The following PIK3C2G variants were observed in gnomAD, a reference collection of about 807,000 sequenced individuals.
PIK3C2G encodes phosphatidylinositol-4-phosphate 3-kinase catalytic subunit type 2 gamma.
In PIK3C2G, 168 loss-of-function variants were observed where a neutral mutation model predicts 181.1. The observed-to-expected ratio is 0.93, with a 90% CI of 0.82 to 1.05. The LOEUF (loss-of-function observed/expected upper bound fraction) is 1.05. PIK3C2G is among the 50% of genes least tolerant of loss of function. The pLI is 0.00. For missense variants in PIK3C2G, 1,869 were observed against 1,732.8 expected (o/e 1.08, Z -1.40); for synonymous variants, 573 against 592.2 (o/e 0.97, Z 0.47).
intron 24 of PIK3C2G, among the ~76,000 whole-genome samples, chr12:18,514,462 C>T (rs192413150): frequency 2.0e-5 from 3 of 151,852 alleles, no homozygotes; most frequent in Non-Finnish European, 4.4e-5. Flanking sequence ...AGATCTTTTA[C>T]CTCCTTGGTT....
At chr12:18,246,576 C>T (rs1948042352), upstream of PIK3C2G, among the ~76,000 whole-genome samples, 3 of 152,018 alleles carry the variant, frequency 2.0e-5, no homozygotes, top group South Asian at 4.2e-4. Context: ...TCCATTTTCC[C>T]CTCTGACTCT....
chr12:18,427,783 A>G (rs1945919749), intron 18 of PIK3C2G, among the ~76,000 whole-genome samples: 2 of 150,050 alleles, frequency 1.3e-5, no homozygotes, highest in Non-Finnish European at 3.0e-5. Context: ...CATCCTTTCG[A>G]AAAAAAAAAT....
At chr12:18,674,473 A>G in the PIK3C2G span, among the ~76,000 whole-genome samples, 1 of 152,188 alleles carries the variant, frequency 6.6e-6, no homozygotes, top group Non-Finnish European at 1.5e-5. Context: ...TTCTCACTCT[A>G]TGAATTTTTT....
the PIK3C2G span, among the ~76,000 whole-genome samples, chr12:18,664,248 A>G: frequency 1.3e-5 from 2 of 152,236 alleles, no homozygotes; most frequent in African/African-American, 4.8e-5. Context: ...GATTTACCAC[A>G]TAATCCTACA....
chr12:18,676,663 T>G, the PIK3C2G span, among the ~76,000 whole-genome samples: 1 of 152,168 alleles, frequency 6.6e-6, no homozygotes, highest in South Asian at 2.1e-4. Flanking sequence ...AGCAGGACTA[T>G]AGTATAAGCA....
intron 24 of PIK3C2G, among the ~76,000 whole-genome samples, chr12:18,526,209 A>T (rs1943225290): frequency 6.6e-6 from 1 of 152,288 alleles, no homozygotes; most frequent in Admixed American, 6.5e-5. Context: ...CCTTCAGTAC[A>T]ATATTCACAG....
chr12:18,713,892 T>G, the PIK3C2G span: 1 of 152,240 alleles, frequency 6.6e-6, no homozygotes. Context: ...AAATCAGTTG[T>G]ACCCACTGTG....
chr12:18,317,014 T>C lies in PIK3C2G; in HGVS notation c.1137+2950T>C, dbSNP rs578037916. On this transcript the variant is annotated intron_variant, in intron 6 of 32. Transcript: ENST00000538779. The stretch of plus-strand genomic sequence containing the variant: ...CCCATCTCTCTAAGTCTTGATTCTT[T>C]TTTTTTTTTTTTTTTTTGAGACGGA... Among the ~76,000 whole-genome samples the C allele has an allele frequency of 2.6e-3, 379 of 145,812 alleles. 8 individuals carry two copies. The East Asian group carries it at 0.047, about 18-fold the overall frequency.
At chr12:18,569,632 T>C (rs887500252) in intron 29 of PIK3C2G, among the ~76,000 whole-genome samples, 4 of 152,202 alleles carry the variant, frequency 2.6e-5, no homozygotes, top group Admixed American at 2.6e-4. Context: ...GTTGTTCCTA[T>C]ACCCAGGAAT....
At chr12:18,678,668 T>C in the PIK3C2G span, among the ~76,000 whole-genome samples, 14 of 152,212 alleles carry the variant, frequency 9.2e-5, no homozygotes, top group South Asian at 2.5e-3. Flanking sequence ...TTGTTATTAA[T>C]GCATGTATGA....
intron 16 of PIK3C2G, among the ~76,000 whole-genome samples, chr12:18,412,649 TGATA>T (rs1340687734): frequency 6.6e-6 from 1 of 152,228 alleles, no homozygotes; most frequent in Non-Finnish European, 1.5e-5. Flanking sequence ...GCAAATGAAT[TGATA>T]AATATTTCTT....
At chr12:18,348,120 C>T (rs1488374065) in intron 11 of PIK3C2G, among the ~76,000 whole-genome samples, 2 of 151,770 alleles carry the variant, frequency 1.3e-5, no homozygotes, top group East Asian at 3.9e-4. Flanking sequence ...TGGAAAATCC[C>T]TATAGCCGGA....
intron 18 of PIK3C2G, among the ~76,000 whole-genome samples, chr12:18,460,348 C>CG (rs1421910746): frequency 6.6e-6 from 1 of 151,788 alleles, no homozygotes; most frequent in Non-Finnish European, 1.5e-5. Context: ...CCAAGGAGGA[C>CG]GGATCACGAG....
chr12:18,514,258 T>C (rs1942388175), intron 24 of PIK3C2G, among the ~76,000 whole-genome samples: 1 of 151,890 alleles, frequency 6.6e-6, no homozygotes, highest in Non-Finnish European at 1.5e-5. Context: ...ACACGATCTA[T>C]CCTGGAGAAT....
At chr12:18,512,161 C>T (rs950238652) in intron 24 of PIK3C2G, among the ~76,000 whole-genome samples, 12 of 151,850 alleles carry the variant, frequency 7.9e-5, no homozygotes, top group Admixed American at 3.3e-4. Context: ...ATCTTGTTCC[C>T]GTTTGTTCAA....
At chr12:18,625,144 G>T (rs1949037945) in intron 31 of PIK3C2G, among the ~76,000 whole-genome samples, 1 of 151,480 alleles carries the variant, frequency 6.6e-6, no homozygotes, top group Admixed American at 6.6e-5. Context: ...GTTCTTATTT[G>T]ATATTGGCAT....
chr12:18,584,982 T>C (rs550578043), intron 29 of PIK3C2G, among the ~76,000 whole-genome samples: 1 of 152,206 alleles, frequency 6.6e-6, no homozygotes, highest in African/African-American at 2.4e-5. Context: ...CCTTTTCAAA[T>C]AAGCAAATGC....
chr12:18,426,532 A>G (rs75073660), intron 18 of PIK3C2G, among the ~76,000 whole-genome samples: 2,025 of 152,188 alleles, frequency 0.013, 51 homozygotes, highest in African/African-American at 0.046. Flanking sequence ...ATTCAATTTT[A>G]ATTTCATAGG....
At chr12:18,262,325 A>G (rs1948277718) in intron 1 of PIK3C2G, among the ~76,000 whole-genome samples, 1 of 152,124 alleles carries the variant, frequency 6.6e-6, no homozygotes, top group African/African-American at 2.4e-5. Flanking sequence ...TAACTTGTAC[A>G]TAGTGATCTC....
Sources: gnomAD v4.1 joint callset for allele counts (sites outside exome capture counted in the v4.1 genomes callset) on GRCh38, gnomAD v4.1.1 for gene constraint, MANE v1.5 for transcripts, NCBI Gene and HGNC (gene_info 2026-07-23, HGNC 2026-07-21) for gene names.